Variants in AAR2 observed in about 807,000 individuals in gnomAD.
AAR2 encodes AAR2 splicing factor, also known as protein AAR2 homolog.
A neutral mutation model predicts 26.9 loss-of-function variants in AAR2; 31 were observed. The ratio of observed to expected loss-of-function variants is 1.15; its 90% CI spans 0.86 to 1.55. The LOEUF (loss-of-function observed/expected upper bound fraction) is 1.55, where lower values mean the gene tolerates loss of function less well. Ranked by LOEUF, AAR2 falls within the 40% of genes most tolerant of loss-of-function variation. The pLI, the probability that AAR2 is intolerant of heterozygous loss-of-function variation, is 0.00. For missense variants in AAR2, 430 were observed against 491.3 expected (o/e 0.88, Z 1.18); for synonymous variants, 188 against 196.1 (o/e 0.96, Z 0.34).
chr20:36,251,064 G>A (rs1013920390), intron 3 of AAR2, among the ~76,000 whole-genome samples: 1 of 152,074 alleles, frequency 6.6e-6, no homozygotes, highest in Admixed American at 6.5e-5. Context: ...AGGCATGGTG[G>A]CATGTACCTA....
chr20:36,244,222 C>A (rs1391727364), intron 2 of AAR2, among the ~76,000 whole-genome samples: 1 of 152,176 alleles, frequency 6.6e-6, no homozygotes, highest in Non-Finnish European at 1.5e-5. Flanking sequence ...AGCAGACCAT[C>A]CACATTAGAA....
intron 1 of AAR2, among the ~76,000 whole-genome samples, chr20:36,237,633 CAG>C (rs2064625080): frequency 6.6e-6 from 1 of 152,020 alleles, no homozygotes; most frequent in Non-Finnish European, 1.5e-5. Flanking sequence ...GAGGAGCACA[CAG>C]ATGTCACAAG....
chr20:36,251,468 G>A (rs1486218712), intron 3 of AAR2, among the ~76,000 whole-genome samples: 4 of 152,078 alleles, frequency 2.6e-5, no homozygotes, highest in Admixed American at 1.3e-4. Flanking sequence ...TGTCCTGGAG[G>A]CTGCAGAAGG....
chr20:36,239,204 T>C (rs2064649972), intron 1 of AAR2, among the ~76,000 whole-genome samples: 1 of 152,072 alleles, frequency 6.6e-6, no homozygotes. Context: ...GGAGTTTAGG[T>C]TTTTTATGAG....
intron 2 of AAR2, among the ~76,000 whole-genome samples, chr20:36,241,408 C>CT (rs1338043996): frequency 2.5e-4 from 38 of 152,122 alleles, no homozygotes; most frequent in Non-Finnish European, 5.3e-4. Context: ...CTAACAGTCA[C>CT]TTTTTTAGTG....
intron 3 of AAR2, among the ~76,000 whole-genome samples, chr20:36,245,469 A>T (rs1392208804): frequency 6.6e-6 from 1 of 152,220 alleles, no homozygotes; most frequent in Non-Finnish European, 1.5e-5. Flanking sequence ...ACAACTTACA[A>T]TCTTCATCCT....
At chr20:36,248,629 T>G (rs1165572600) in intron 3 of AAR2, among the ~76,000 whole-genome samples, 1 of 152,172 alleles carries the variant, frequency 6.6e-6, no homozygotes, top group African/African-American at 2.4e-5. Context: ...GGCCTAACAT[T>G]TATGTCATTT....
At chr20:36,239,752 A>G in intron 1 of AAR2, 69 bp from the exon 2 acceptor site, 2 of 1,272,122 alleles carry the variant, frequency 1.6e-6, no homozygotes, top group Non-Finnish European at 2.2e-6. Flanking sequence ...TCTGGCACAT[A>G]CAGAATGCTT....
Position 36,244,671 on chromosome 20 carries a change from T to C in AAR2, c.758-26T>C, listed in dbSNP as rs2064715688. On this transcript the variant is annotated intron_variant, in intron 2 of 3. Transcript: ENST00000320849. ...CAGCTGGTCCTCCTCTCCCTCAGAA[T>C]CACTTCTCCTCTCTGCACCTTTCAG... 2.5e-6 allele frequency: 4 copies of C among 1,603,932 alleles called. No individual in the cohort carries two copies. The East Asian group carries it at 9.0e-5, about 36-fold the overall frequency.
At chr20:36,250,393 G>A (rs1362351987) in intron 3 of AAR2, among the ~76,000 whole-genome samples, 4 of 152,332 alleles carry the variant, frequency 2.6e-5, no homozygotes, top group Admixed American at 1.3e-4. Flanking sequence ...TCCCAGTGAC[G>A]TTAAAAAGTG....
In AAR2 at chr20:36,240,231, C is replaced by T. The variant is rs1181537586; in HGVS notation, c.363C>T (p.Phe121=). 1.2e-6 allele frequency: 2 copies of T among 1,614,202 alleles called. No individual in the cohort carries two copies. The highest frequency in any genetic ancestry group is 1.7e-6 in the Non-Finnish European group (2 of 1,180,028). The change falls in exon 2 of 4, where the codon TTC becomes TTT. Residue 121 remains phenylalanine, a synonymous_variant. Transcript: ENST00000320849. ...MRANLQELDQ[F]LGPYPYATLK... ...CCAACCTCCAGGAGCTGGACCAGTT[C>T]CTGGGGCCTTACCCATATGCCACCC...
rs1329954753 is a variant in AAR2 at position 36,256,863 on chromosome 20, G to A, written c.*1118G>A. On this transcript the variant is annotated 3_prime_UTR_variant, in exon 4 of 4. Transcript: ENST00000320849. Reference sequence around the variant, plus strand: ...AGAATCCCTGCTGGTTGAGACTTTTGCTTCCACTTGTTTCCTTGGAGATGT... The same window carrying A: ...AGAATCCCTGCTGGTTGAGACTTTTACTTCCACTTGTTTCCTTGGAGATGT... 1 of 152,668 alleles carries A rather than the reference G, an allele frequency of 6.6e-6. No homozygotes were observed. The highest frequency in any genetic ancestry group is 2.4e-5 in the African/African-American group (1 of 41,448). The allele number at this position is 152,668 out of a possible 1,614,324, so 9.5% of individuals were successfully genotyped here.
intron 2 of AAR2, among the ~76,000 whole-genome samples, chr20:36,242,402 T>A (rs1464081979): frequency 6.7e-6 from 1 of 148,482 alleles, no homozygotes; most frequent in Non-Finnish European, 1.5e-5. Context: ...TTGTTGTTGT[T>A]GTTGTTGAGA....
At chr20:36,254,192 A>C (rs1418103801) in intron 3 of AAR2, among the ~76,000 whole-genome samples, 1 of 152,234 alleles carries the variant, frequency 6.6e-6, no homozygotes, top group Non-Finnish European at 1.5e-5. Context: ...AAACAACACA[A>C]ATAGGCATTG....
At chr20:36,251,559 C>T (rs1351436905) in intron 3 of AAR2, among the ~76,000 whole-genome samples, 1 of 152,072 alleles carries the variant, frequency 6.6e-6, no homozygotes, top group Non-Finnish European at 1.5e-5. Flanking sequence ...TCTGTCAAGA[C>T]AAAAGGTCTG....
At chr20:36,251,422 G>A (rs2064779401) in intron 3 of AAR2, among the ~76,000 whole-genome samples, 1 of 151,504 alleles carries the variant, frequency 6.6e-6, no homozygotes, top group African/African-American at 2.4e-5. Flanking sequence ...CAATAAGGTT[G>A]ATTTTTTTTT....
chr20:36,249,841 G>GC (rs2064767566), intron 3 of AAR2, among the ~76,000 whole-genome samples: 1 of 152,188 alleles, frequency 6.6e-6, no homozygotes, highest in African/African-American at 2.4e-5. Flanking sequence ...TATGATTAGA[G>GC]CCCCAGATGA....
intron 3 of AAR2, among the ~76,000 whole-genome samples, chr20:36,248,988 C>T (rs1451103649): frequency 1.3e-5 from 2 of 151,810 alleles, no homozygotes; most frequent in Non-Finnish European, 2.9e-5. Flanking sequence ...CTGAATGAAT[C>T]AGCCCATAAA....
rs2064656472 is a variant in AAR2 at position 36,239,864 on chromosome 20, GC to G, written c.-1del. On this transcript the variant is annotated 5_prime_UTR_variant, in exon 2 of 4. Coordinates refer to ENST00000320849, the MANE Select transcript of AAR2 (RefSeq NM_001271874.2). ...GGGTTCTTTTGGTCACCCACCACTG[GC>G]CCCATGGCTGCCGTGCAGATGGATC... The G allele has an allele frequency of 2.6e-6, 4 of 1,566,944 alleles. No homozygotes were observed. Among genetic ancestry groups the G allele is most frequent in the Non-Finnish European group, 3.5e-6 (4 of 1,151,782 alleles).
Sources: allele counts gnomAD v4.1 joint callset (sites outside exome capture counted in the v4.1 genomes callset), GRCh38; gene constraint gnomAD v4.1.1; transcripts MANE v1.5; gene names NCBI Gene and HGNC (gene_info 2026-07-23, HGNC 2026-07-21).